Variants in INTS4 observed in about 807,000 individuals in gnomAD.
The protein encoded by INTS4 is MSTP093.
In INTS4, 70 loss-of-function variants were observed where a neutral mutation model predicts 119.5. The observed-to-expected ratio is 0.59, with a 90% CI of 0.48 to 0.71. INTS4 has a LOEUF of 0.71. Among genes scored for constraint, INTS4 ranks in the 30% least tolerant of loss-of-function variants. The probability of loss-of-function intolerance (pLI) is 0.00; values close to 1 mark genes in which losing one functional copy is unlikely to be tolerated. For synonymous variants in INTS4, 316 were observed against 419.6 expected (o/e 0.75, Z 3.02); for missense variants, 867 against 1,173.2 (o/e 0.74, Z 3.81).
intron 2 of INTS4, among the ~76,000 whole-genome samples, chr11:77,989,347 C>A (rs572296623): frequency 1.3e-5 from 2 of 151,920 alleles, no homozygotes; most frequent in African/African-American, 4.8e-5. Flanking sequence ...ATTAGCTGAG[C>A]GTGATGGCGC....
chr11:77,960,230 C>T (rs772541492), intron 6 of INTS4, 111 bp downstream of exon 6: 59 of 690,292 alleles, frequency 8.5e-5, no homozygotes, highest in Non-Finnish European at 1.5e-4. Context: ...ATCAACGCTG[C>T]CACTATTAAC....
At chr11:77,911,024 C>T (rs986209407) in intron 15 of INTS4, 3 of 1,289,094 alleles carry the variant, frequency 2.3e-6, no homozygotes, top group Non-Finnish European at 3.0e-6. Flanking sequence ...CATAACACAT[C>T]AGGTTTCACA....
intron 10 of INTS4, among the ~76,000 whole-genome samples, chr11:77,929,380 G>A (rs1167688507): frequency 6.6e-6 from 1 of 152,044 alleles, no homozygotes; most frequent in Non-Finnish European, 1.5e-5. Flanking sequence ...GTATCACAAG[G>A]ACTATGGCTT....
chr11:77,920,230 T>C (rs1309885777), intron 14 of INTS4, among the ~76,000 whole-genome samples: 4 of 37,716 alleles, frequency 1.1e-4, no homozygotes, highest in Admixed American at 2.7e-4. Context: ...CACATATACA[T>C]ACATATATAC....
At chr11:77,970,736 G>A (rs904230999) in intron 4 of INTS4, among the ~76,000 whole-genome samples, 7 of 152,118 alleles carry the variant, frequency 4.6e-5, no homozygotes, top group Non-Finnish European at 1.0e-4. Flanking sequence ...GGCTGAGGCA[G>A]GAGGATCACT....
intron 9 of INTS4, among the ~76,000 whole-genome samples, chr11:77,939,902 G>C (rs189141075): frequency 7.1e-4 from 108 of 151,726 alleles, no homozygotes; most frequent in Admixed American, 2.3e-3. Context: ...ACAAGAAAAA[G>C]AGCTGAGAGA....
chr11:77,939,722 G>A (rs983856536), intron 9 of INTS4, among the ~76,000 whole-genome samples: 3 of 151,806 alleles, frequency 2.0e-5, no homozygotes, highest in African/African-American at 7.3e-5. Context: ...GTACACACCT[G>A]TAGTCCCAGC....
intron 19 of INTS4, 141 bp downstream of exon 19, chr11:77,894,149 G>A (rs1307229987): frequency 1.9e-6 from 1 of 520,206 alleles, no homozygotes; most frequent in African/African-American, 2.0e-5. Flanking sequence ...CTAATTTAAG[G>A]TTAACGACAT....
intron 8 of INTS4, among the ~76,000 whole-genome samples, chr11:77,945,938 T>C (rs1954038226): frequency 6.6e-6 from 1 of 152,166 alleles, no homozygotes; most frequent in East Asian, 1.9e-4. Context: ...CATTTGAGCC[T>C]AGCCCAAAGC....
intron 2 of INTS4, among the ~76,000 whole-genome samples, chr11:77,989,571 T>C (rs1565295586): frequency 6.6e-6 from 1 of 152,122 alleles, no homozygotes; most frequent in Non-Finnish European, 1.5e-5. Context: ...GTCACTATAG[T>C]ATTTTATCTA....
At position 77,909,955 on chromosome 11, in the gene INTS4, G is replaced by A. The variant is rs578076657; in HGVS notation, c.1923-2145C>T. Among the ~76,000 whole-genome samples, 44 of 152,278 alleles carry A rather than the reference G, an allele frequency of 2.9e-4. No individual in the cohort carries two copies. In the East Asian group the frequency reaches 7.7e-3, roughly 27 times the overall value. On this transcript the variant is annotated intron_variant, in intron 15 of 22. Coordinates refer to ENST00000534064, the MANE Select transcript of INTS4 (RefSeq NM_033547.4). ...AAGTCAGGAATCAACACGTGCTGGA[G>A]AGGATGTGGAGAAATAGGAACACTT...
rs1470296945 is a variant in INTS4 at position 77,878,970 on chromosome 11, C to A, written c.2871G>T (p.Met957Ile). Residue 957 changes from methionine to isoleucine, a missense_variant, in exon 23 of 23, where the codon ATG (methionine) becomes ATT (isoleucine). By Grantham distance (10) the Met-to-Ile change is conservative (BLOSUM62 1). Around this residue, in one of 5 missense-constraint regions of INTS4, gnomAD observed 122 missense variants for 133.2 expected, o/e 0.92. Transcript: ENST00000534064. ...TGCCTTAGCGCCGTGCAGGTTTGGG[C>A]ATTATATAAACTTTTACAGGCTTGC... Reference protein sequence around the residue: ...PFSKPVKVYIMPKPARR With the variant: ...PFSKPVKVYIIPKPARR 8.7e-6 allele frequency: 14 copies of A among 1,613,824 alleles called. No homozygotes were observed. Among genetic ancestry groups the A allele is most frequent in the Non-Finnish European group, 1.1e-5 (13 of 1,179,998 alleles).
chr11:77,958,821 A>G lies in INTS4; in HGVS notation c.722T>C (p.Leu241Pro), dbSNP rs1954394286. ...QTIYNQACKL[L>P]SDDYEQVRSA... ...GCGCACTTGTTCATAGTCATCAGAG[A>G]GTAATTTACAGGCCTGCAAAGAAGA... Residue 241 changes from leucine (L) to proline (P), a missense_variant, in exon 7 of 23, where the codon CTC (leucine) becomes CCC (proline). Transcript: ENST00000534064. The G allele has an allele frequency of 6.2e-7, 1 of 1,602,192 alleles. No individual in the cohort carries two copies. Among genetic ancestry groups the G allele is most frequent in the Non-Finnish European group, 8.5e-7 (1 of 1,171,344 alleles).
intron 21 of INTS4, among the ~76,000 whole-genome samples, chr11:77,886,279 A>G (rs1952002090): frequency 2.0e-5 from 3 of 152,152 alleles, no homozygotes; most frequent in Admixed American, 2.0e-4. Flanking sequence ...CCTCTGTGAA[A>G]TGGTTGCTGG....
At chr11:77,987,264 A>C (rs1265935207) in intron 2 of INTS4, 2 of 154,808 alleles carry the variant, frequency 1.3e-5, no homozygotes, top group African/African-American at 4.8e-5. Flanking sequence ...TAAAAAAAAA[A>C]CCCAAGTTCA....
At chr11:77,979,977 CAA>C (rs1254017443) in intron 3 of INTS4, among the ~76,000 whole-genome samples, 9 of 41,668 alleles carry the variant, frequency 2.2e-4, no homozygotes, top group South Asian at 7.7e-4. Context: ...GACTCCATCT[CAA>C]AAAAAAAAAA....
In INTS4 at chr11:77,981,520, C is replaced by T. The variant is rs367956857; in HGVS notation, c.303G>A (p.Lys101=). 1.9e-6 allele frequency: 3 copies of T among 1,585,218 alleles called. No homozygotes were observed. Among genetic ancestry groups the T allele is most frequent in the African/African-American group, 2.7e-5 (2 of 74,066 alleles). The change falls in exon 3 of 23, where the codon AAG becomes AAA. Residue 101 remains lysine (K), a synonymous_variant. Coordinates refer to ENST00000534064, the MANE Select transcript of INTS4 (RefSeq NM_033547.4). ...TGCAGTCTGGTGAAAATCCTGCTGT[C>T]TTTGATAATAAACCCAACAATGATG... is the stretch of plus-strand genomic sequence containing the variant. ...KIASLLGLLS[K]TAGFSPDCIM...
In INTS4 at chr11:77,918,964, T is replaced by C. The variant is rs1256442162; in HGVS notation, c.1779A>G (p.Lys593=). ...LVPALRLPGR[K]LVSSAVSPSI... is the part of the protein sequence containing the mutation. ...TGGGAGAAACAGCTGATGACACCAG[T>C]TTTCTACCTGGTAACTAAGCAGAGT... Residue 593 remains lysine, a synonymous_variant, in exon 15 of 23, where the codon AAA becomes AAG. Transcript: ENST00000534064. 6.2e-7 allele frequency: 1 copy of C among 1,613,890 alleles called. No homozygotes were observed. The highest frequency in any genetic ancestry group is 2.2e-5 in the East Asian group (1 of 44,878).
chr11:77,874,511 ATC>A (rs1951545650), downstream of INTS4, among the ~76,000 whole-genome samples: 3 of 152,160 alleles, frequency 2.0e-5, no homozygotes, highest in Non-Finnish European at 4.4e-5. Context: ...AGACAGAAGT[ATC>A]TGTCAGTGAC....
Sources: gnomAD v4.1 joint callset for allele counts (sites outside exome capture counted in the v4.1 genomes callset) on GRCh38, gnomAD v4.1.1 for gene constraint, gnomAD v4.1.1 regional missense constraint, MANE v1.5 for transcripts, NCBI Gene and HGNC (gene_info 2026-07-23, HGNC 2026-07-21) for gene names.